The following GRIK1 variants were observed in gnomAD, a reference collection of about 807,000 sequenced individuals.
The protein encoded by GRIK1 is glutamate receptor ionotropic, kainate 1.
Under a neutral mutation model 105.7 loss-of-function variants are expected in GRIK1, and 69 were observed. That is an observed-to-expected ratio of 0.65 (90% CI 0.54 to 0.80). The LOEUF (loss-of-function observed/expected upper bound fraction) is 0.80, where lower values mean the gene tolerates loss of function less well. Among genes scored for constraint, GRIK1 ranks in the 30% least tolerant of loss-of-function variants. The pLI is 0.00. For missense variants in GRIK1, 1,109 were observed against 1,167.3 expected, an observed-to-expected ratio of 0.95 and a Z score of 0.73; for synonymous variants, 438 against 431.3, an observed-to-expected ratio of 1.02 and a Z score of -0.19.
intron 1 of GRIK1, among the ~76,000 whole-genome samples, chr21:29,725,015 A>C (rs1469309069): frequency 6.6e-6 from 1 of 151,708 alleles, no homozygotes; most frequent in Non-Finnish European, 1.5e-5. Flanking sequence ...CCTAAAAAAA[A>C]AAAAAAAAAA....
rs1232945202 is a variant in GRIK1 at position 29,642,721 on chromosome 21, C to A, written c.1098+105G>T. ...ACTGGTTGATGATGGCTTCCTCTCT[C>A]TTAGGGGCATCATGCCAGCAGAACC... On this transcript the variant is annotated intron_variant, in intron 7 of 17. Coordinates refer to ENST00000327783, the MANE Select transcript of GRIK1 (RefSeq NM_001330994.2). The A allele has an allele frequency of 1.1e-5, 11 of 977,826 alleles. No individual in the cohort carries two copies. The East Asian group carries it at 2.7e-4, about 24-fold the overall frequency. The allele number at this position is 977,826 out of a possible 1,614,324, so 60.6% of individuals were successfully genotyped here.
At position 29,588,914 on chromosome 21, in the gene GRIK1, T is replaced by A; in HGVS notation, c.1494A>T (p.Leu498=). 1 of 1,609,780 alleles carries A rather than the reference T, an allele frequency of 6.2e-7. No homozygotes were observed. Among genetic ancestry groups the A allele is most frequent in the Non-Finnish European group, 8.5e-7 (1 of 1,176,004 alleles). ...GGGCCCCATATTTGCCATCGGGAACTAGTTTAACATCATAAATGAAACCCA... is the reference window on the plus strand; with the variant it reads ...GGGCCCCATATTTGCCATCGGGAACAAGTTTAACATCATAAATGAAACCCA... The part of the protein sequence containing the change: ...NILGFIYDVK[L]VPDGKYGAQN... Residue 498 remains leucine (L), a synonymous_variant, in exon 11 of 18, where the codon CTA becomes CTT. Transcript: ENST00000327783.
At chr21:29,626,555 T>C (rs1453949863) in intron 7 of GRIK1, among the ~76,000 whole-genome samples, 2 of 152,194 alleles carry the variant, frequency 1.3e-5, no homozygotes, top group Non-Finnish European at 2.9e-5. Context: ...CCAAACTTGG[T>C]GACACCTTGA....
At chr21:29,899,041 A>G (rs1397739011) in intron 1 of GRIK1, among the ~76,000 whole-genome samples, 1 of 152,208 alleles carries the variant, frequency 6.6e-6, no homozygotes, top group Non-Finnish European at 1.5e-5. Flanking sequence ...TTATTGTAAT[A>G]CAACATATCT....
intron 1 of GRIK1, among the ~76,000 whole-genome samples, chr21:29,788,537 G>A (rs1006187467): frequency 9.2e-5 from 14 of 152,206 alleles, no homozygotes; most frequent in African/African-American, 7.2e-5. Context: ...CCAGGGACTA[G>A]TTTTGTGGAA....
chr21:29,855,425 G>C (rs1471519867), intron 1 of GRIK1, among the ~76,000 whole-genome samples: 1 of 152,202 alleles, frequency 6.6e-6, no homozygotes, highest in Non-Finnish European at 1.5e-5. Flanking sequence ...TCAAGAAGGA[G>C]CATGAGGAAG....
chr21:29,826,636 T>C (rs1271543979), intron 1 of GRIK1, among the ~76,000 whole-genome samples: 1 of 152,064 alleles, frequency 6.6e-6, no homozygotes, highest in Non-Finnish European at 1.5e-5. Flanking sequence ...GATGAGCCAA[T>C]TTTACATAGC....
chr21:29,633,631 T>C (rs1334133280), intron 7 of GRIK1, among the ~76,000 whole-genome samples: 4 of 152,190 alleles, frequency 2.6e-5, no homozygotes, highest in Non-Finnish European at 5.9e-5. Flanking sequence ...ACCTATGTAA[T>C]TGGTAAAAAT....
intron 1 of GRIK1, among the ~76,000 whole-genome samples, chr21:29,933,616 TAG>T (rs147298415): frequency 4.0e-4 from 59 of 149,192 alleles, no homozygotes; most frequent in Admixed American, 4.7e-4. Flanking sequence ...TTCATTAACA[TAG>T]AGAGAGAGAG....
chr21:29,687,252 T>A (rs1428397315), intron 3 of GRIK1, among the ~76,000 whole-genome samples: 1 of 152,158 alleles, frequency 6.6e-6, no homozygotes, highest in African/African-American at 2.4e-5. Context: ...CAAATCCCAA[T>A]AAAGTGCTCT....
At chr21:29,906,202 A>G (rs1330026516) in intron 1 of GRIK1, among the ~76,000 whole-genome samples, 1 of 152,188 alleles carries the variant, frequency 6.6e-6, no homozygotes, top group African/African-American at 2.4e-5. Context: ...TTTGAGTTTC[A>G]TTGTGTGCTA....
chr21:29,572,514 C>T (rs2146218120), intron 14 of GRIK1, among the ~76,000 whole-genome samples: 1 of 152,214 alleles, frequency 6.6e-6, no homozygotes, highest in Non-Finnish European at 1.5e-5. Flanking sequence ...TACTTTTTCA[C>T]TTATTGAAAA....
At chr21:29,820,315 T>G (rs1328611625) in intron 1 of GRIK1, among the ~76,000 whole-genome samples, 2 of 152,112 alleles carry the variant, frequency 1.3e-5, no homozygotes, top group Non-Finnish European at 2.9e-5. Flanking sequence ...CATGGGCACC[T>G]GTGGTAGTAA....
At chr21:29,693,785 C>T in intron 2 of GRIK1, 111 bp downstream of exon 2, 1 of 755,840 alleles carries the variant, frequency 1.3e-6, no homozygotes. Flanking sequence ...TTTCCCGCGA[C>T]CCATTTGCAC....
intron 5 of GRIK1, among the ~76,000 whole-genome samples, chr21:29,652,665 A>G (rs143690632): frequency 0.014 from 2,131 of 152,382 alleles, 31 homozygotes; most frequent in Middle Eastern, 0.037. Context: ...TGAAAAGACT[A>G]GATTTAAAAA....
chr21:29,553,613 C>T (rs1007750195), intron 16 of GRIK1: 3 of 1,608,606 alleles, frequency 1.9e-6, no homozygotes, highest in Middle Eastern at 1.7e-4. Flanking sequence ...AATTAATTTA[C>T]CACATTCTAA....
intron 1 of GRIK1, among the ~76,000 whole-genome samples, chr21:29,904,236 C>T (rs567850592): frequency 3.3e-5 from 5 of 151,642 alleles, no homozygotes; most frequent in Admixed American, 1.3e-4. Context: ...CAAAACTGCA[C>T]GTTCTGCACA....
chr21:29,620,831 T>TAA (rs10673323), intron 7 of GRIK1, among the ~76,000 whole-genome samples: 1 of 140,220 alleles, frequency 7.1e-6, no homozygotes, highest in African/African-American at 2.6e-5. Flanking sequence ...TAATAATATA[T>TAA]TATAGTCATA....
At chr21:29,924,511 G>A (rs2071293283) in intron 1 of GRIK1, among the ~76,000 whole-genome samples, 1 of 152,076 alleles carries the variant, frequency 6.6e-6, no homozygotes, top group African/African-American at 2.4e-5. Context: ...AATCACCATG[G>A]TGGGTAGACT....
Sources: allele counts gnomAD v4.1 joint callset (sites outside exome capture counted in the v4.1 genomes callset), GRCh38; gene constraint gnomAD v4.1.1; transcripts MANE v1.5; gene names NCBI Gene and HGNC (gene_info 2026-07-23, HGNC 2026-07-21).